TSPEAR: variants seen among roughly 807,000 people sequenced by gnomAD.
The protein encoded by TSPEAR is thrombospondin type laminin G domain and EAR repeats.
A neutral mutation model predicts 71.6 loss-of-function variants in TSPEAR; 69 were observed. That is an observed-to-expected ratio of 0.96 (90% CI 0.79 to 1.18). TSPEAR has a LOEUF of 1.18. Among genes scored for constraint, TSPEAR ranks in the 50% most tolerant of loss-of-function variants. TSPEAR has a pLI of 0.00. For missense variants in TSPEAR, 971 were observed against 894.9 expected, an observed-to-expected ratio of 1.09 and a Z score of -1.09; for synonymous variants, 402 against 387.2, an observed-to-expected ratio of 1.04 and a Z score of -0.45.
chr21:44,593,544 G>A lies in TSPEAR; in HGVS notation c.83-25539C>T, dbSNP rs1036494637. ...TCCCATCTTGCCCACGGGGACCCCC[G>A]AAAAACTGCGTTCCTGGCCATGACA... On this transcript the variant is annotated intron_variant, in intron 1 of 11. Transcript: ENST00000323084. The surrounding 1 kb of genome is among the most constrained non-coding windows in gnomAD (Gnocchi z 5.9). Among the ~76,000 whole-genome samples the A allele has an allele frequency of 6.6e-5, 10 of 152,090 alleles. No individual in the cohort carries two copies. The highest frequency in any genetic ancestry group is 2.0e-4 in the Admixed American group (3 of 15,276).
rs587700841 is a variant in TSPEAR, at chr21:44,569,417, C to T, written c.83-1412G>A. 3.0e-4 allele frequency among the ~76,000 whole-genome samples: 46 copies of T among 152,258 alleles called. No individual in the cohort carries two copies. In the South Asian group the frequency reaches 7.2e-3, roughly 24 times the overall value. ...GAACAGCCGGCAAAGCAGCCGTGAG[C>T]ACCCTGGCTGCAGGACGCTGCCTGG... is the stretch of plus-strand genomic sequence containing the variant. On this transcript the variant is annotated intron_variant, in intron 1 of 11. Coordinates refer to ENST00000323084, the MANE Select transcript of TSPEAR (RefSeq NM_144991.3).
intron 9 of TSPEAR, chr21:44,515,560 C>G (rs1260097004): frequency 6.6e-6 from 1 of 152,412 alleles, no homozygotes; most frequent in Non-Finnish European, 1.5e-5. Flanking sequence ...CCCCTTGGTT[C>G]CGGTGGTTCC....
Position 44,711,312 on chromosome 21 carries a change from G to T in TSPEAR, c.82+121C>A. The T allele has an allele frequency of 1.1e-6, 1 of 920,666 alleles. No homozygotes were observed. Among genetic ancestry groups the T allele is most frequent in the South Asian group, 1.7e-5 (1 of 60,136 alleles). 57.0% of individuals were successfully genotyped at this position (920,666 alleles called of 1,614,324 possible). A position where few individuals can be genotyped will look rare whatever the true frequency, so the allele number is the denominator to read the frequency against. ...CCACAGGGTGCTACCTGCCAGTCCT[G>T]CCAAAGCGTCCTCGGGCACCGCGGC... On this transcript the variant is annotated intron_variant, in intron 1 of 11. Transcript: ENST00000323084. The surrounding 1 kb of genome is among the most constrained non-coding windows in gnomAD (Gnocchi z 4.5).
At chr21:44,514,627 A>G (rs1555913127) in intron 9 of TSPEAR, among the ~76,000 whole-genome samples, 1 of 152,148 alleles carries the variant, frequency 6.6e-6, no homozygotes, top group African/African-American at 2.4e-5. Flanking sequence ...ACATTTGGTG[A>G]CCGCGACTGC....
chr21:44,575,063 C>A, intron 1 of TSPEAR: 1 of 1,531,698 alleles, frequency 6.5e-7, no homozygotes, highest in Non-Finnish European at 8.8e-7. Flanking sequence ...GGCTCAGGTC[C>A]CACCTGAAAG....
intron 1 of TSPEAR, among the ~76,000 whole-genome samples, chr21:44,683,988 G>A (rs1555948549): frequency 6.6e-6 from 1 of 152,114 alleles, no homozygotes; most frequent in African/African-American, 2.4e-5. Context: ...CCAAATCCAG[G>A]AATCTCAGAA....
chr21:44,654,690 C>T, intron 1 of TSPEAR: 1 of 1,043,536 alleles, frequency 9.6e-7, no homozygotes, highest in Admixed American at 2.9e-5. Flanking sequence ...GCCTTTATAC[C>T]CAGGCTACCG....
At position 44,539,489 on chromosome 21, in the gene TSPEAR, C is replaced by T. The variant is rs1314818253; in HGVS notation, c.304-5566G>A. 1 of 1,613,732 alleles carries T rather than the reference C, an allele frequency of 6.2e-7. No individual in the cohort carries two copies. Among genetic ancestry groups the T allele is most frequent in the Non-Finnish European group, 8.5e-7 (1 of 1,179,808 alleles). ...GGAGGGTCTGCAGCAGGAGGTGGTG[C>T]AGCAAGCCGGCTGGCAGCTAGACTG... is the stretch of plus-strand genomic sequence containing the variant. On this transcript the variant is annotated intron_variant, in intron 2 of 11. Transcript: ENST00000323084.
At chr21:44,524,879 GTAGT>G (rs370961023) in intron 8 of TSPEAR, among the ~76,000 whole-genome samples, 5,948 of 151,468 alleles carry the variant, frequency 0.039, 399 homozygotes, top group African/African-American at 0.14. Context: ...AGCCAGTCAG[GTAGT>G]TAGTCAGGTA....
At chr21:44,691,072 A>G (rs940140615) in intron 1 of TSPEAR, among the ~76,000 whole-genome samples, 2 of 140,460 alleles carry the variant, frequency 1.4e-5, no homozygotes, top group Non-Finnish European at 3.1e-5. Flanking sequence ...CCTTCCCTTC[A>G]TCTCCCCTCG....
chr21:44,601,691 C>G (rs782321681), intron 1 of TSPEAR: 5 of 1,612,254 alleles, frequency 3.1e-6, no homozygotes, highest in Non-Finnish European at 4.2e-6. Context: ...TGCTCCCGCC[C>G]GGCCTGCTGT....
chr21:44,591,604 G>T (rs1979849838), intron 1 of TSPEAR: 2 of 1,613,416 alleles, frequency 1.2e-6, no homozygotes, highest in Admixed American at 1.7e-5. Context: ...GCAGGAGGCG[G>T]TGCAGCAAGC....
intron 1 of TSPEAR, among the ~76,000 whole-genome samples, chr21:44,603,042 T>C (rs968026333): frequency 2.6e-5 from 3 of 113,490 alleles, no homozygotes; most frequent in Non-Finnish European, 5.9e-5. Flanking sequence ...TTCCTTTGAC[T>C]CCTGCTCCAG....
At chr21:44,543,577 G>A (rs372906131) in intron 2 of TSPEAR, among the ~76,000 whole-genome samples, 30 of 152,204 alleles carry the variant, frequency 2.0e-4, no homozygotes, top group African/African-American at 6.5e-4. Context: ...TAAGTCATAC[G>A]GGATCATAGT....
chr21:44,616,420 G>A (rs138274458), intron 1 of TSPEAR, among the ~76,000 whole-genome samples: 251 of 152,260 alleles, frequency 1.6e-3, no homozygotes, highest in African/African-American at 5.9e-3. Context: ...CTGGGGCACT[G>A]GCCCAAATGT....
At chr21:44,676,533 A>AGTAAAGTTGT in intron 1 of TSPEAR, 1 of 753,008 alleles carries the variant, frequency 1.3e-6, no homozygotes, top group African/African-American at 1.7e-5. Context: ...TTATATCCAG[A>AGTAAAGTTGT]GTAAAGTTGT....
intron 1 of TSPEAR, chr21:44,574,653 C>T (rs781854096): frequency 9.4e-6 from 15 of 1,602,888 alleles, no homozygotes; most frequent in Non-Finnish European, 1.2e-5. Flanking sequence ...TCTGTGCTGC[C>T]AGCAGTCTAG....
At chr21:44,509,410 C>T in intron 9 of TSPEAR, 24 bp from the exon 10 acceptor site, 2 of 1,567,456 alleles carry the variant, frequency 1.3e-6, no homozygotes, top group African/African-American at 2.8e-5. Flanking sequence ...AGAGCAGGTG[C>T]AGAGGTGTGG....
At chr21:44,508,342 A>G in intron 10 of TSPEAR, 1 of 314,730 alleles carries the variant, frequency 3.2e-6, no homozygotes, top group Non-Finnish European at 4.8e-6. Context: ...AGCTGAGATT[A>G]GAGCCCAGTG....
Sources: allele counts gnomAD v4.1 joint callset (sites outside exome capture counted in the v4.1 genomes callset), GRCh38; gene constraint gnomAD v4.1.1; non-coding constraint Gnocchi (gnomAD v3.1); transcripts MANE v1.5; gene names NCBI Gene and HGNC (gene_info 2026-07-23, HGNC 2026-07-21).